The following AIG1 variants were observed in gnomAD, a reference collection of about 807,000 sequenced individuals.
AIG1 encodes androgen-induced gene 1 protein.
AIG1 carries 23 observed loss-of-function variants against 31.4 expected under a neutral mutation model. That is an observed-to-expected ratio of 0.73 (90% CI 0.53 to 1.04). The LOEUF is 1.04. Ranked by LOEUF, AIG1 falls within the 50% of genes least tolerant of loss-of-function variation. The pLI is 0.00. For synonymous variants in AIG1, 100 were observed against 110.5 expected, an observed-to-expected ratio of 0.90 and a Z score of 0.60; for missense variants, 274 against 295.0, an observed-to-expected ratio of 0.93 and a Z score of 0.52.
chr6:143,262,831 C>T (rs1025972742), intron 3 of AIG1, among the ~76,000 whole-genome samples: 1 of 152,176 alleles, frequency 6.6e-6, no homozygotes, highest in African/African-American at 2.4e-5. Flanking sequence ...ATGCATTTTA[C>T]ACTTTTCTGC....
chr6:143,322,817 C>T (rs1776322773), intron 4 of AIG1, among the ~76,000 whole-genome samples: 1 of 152,196 alleles, frequency 6.6e-6, no homozygotes, highest in Non-Finnish European at 1.5e-5. Context: ...GAGGCATTCA[C>T]AATTTGCCTC....
chr6:143,339,427 G>A, intron 5 of AIG1: 1 of 451,820 alleles, frequency 2.2e-6, no homozygotes, highest in South Asian at 2.6e-5. Context: ...TGTGGAAAGG[G>A]TGGGGAAGAG....
chr6:143,272,333 A>G (rs970870160), intron 3 of AIG1, among the ~76,000 whole-genome samples: 3 of 152,182 alleles, frequency 2.0e-5, no homozygotes, highest in African/African-American at 7.2e-5. Context: ...TCATTCACAC[A>G]AAGTATGTTG....
In AIG1 at chr6:143,329,443, G is replaced by A. The variant is rs117977954; in HGVS notation, c.516-3839G>A. On this transcript the variant is annotated intron_variant, in intron 4 of 5. Transcript: ENST00000357847. This position sits in a 1 kb window ranked among gnomAD's most constrained non-coding sequence, Gnocchi z 4.9. ...GAAGAGCTGTCTGCTTCTCTGCCTC[G>A]TAGGTTGCAAACCTGAGAATTTCAC... 2.6e-5 allele frequency among the ~76,000 whole-genome samples: 4 copies of A among 152,260 alleles called. No homozygotes were observed. Among genetic ancestry groups the A allele is most frequent in the Non-Finnish European group, 5.9e-5 (4 of 68,016 alleles).
At chr6:143,129,521 C>T (rs1295426455) in intron 1 of AIG1, among the ~76,000 whole-genome samples, 1 of 152,034 alleles carries the variant, frequency 6.6e-6, no homozygotes, top group East Asian at 1.9e-4. Flanking sequence ...GAAGATGAAT[C>T]AACTGTAGAA....
At chr6:143,311,140 T>G (rs1775239794) in intron 4 of AIG1, among the ~76,000 whole-genome samples, 1 of 151,774 alleles carries the variant, frequency 6.6e-6, no homozygotes, top group Non-Finnish European at 1.5e-5. Context: ...AGAAATACAT[T>G]ACAAGAAAGA....
At chr6:143,162,627 A>T (rs975658730) in intron 2 of AIG1, among the ~76,000 whole-genome samples, 49 of 152,140 alleles carry the variant, frequency 3.2e-4, no homozygotes, top group Non-Finnish European at 5.0e-4. Context: ...AGGTGAAGAG[A>T]TTTGCATCAG....
chr6:143,135,451 A>C (rs868448569), intron 1 of AIG1, among the ~76,000 whole-genome samples: 1 of 152,178 alleles, frequency 6.6e-6, no homozygotes, highest in Non-Finnish European at 1.5e-5. Flanking sequence ...TTATCAAAAC[A>C]TGACTCTTGC....
intron 1 of AIG1, among the ~76,000 whole-genome samples, chr6:143,072,268 T>G (rs1244104929): frequency 1.3e-5 from 2 of 152,232 alleles, no homozygotes; most frequent in East Asian, 3.8e-4. Flanking sequence ...TATTTTGACC[T>G]TATGTCCTGG....
At chr6:143,247,527 T>G (rs921355189) in intron 3 of AIG1, among the ~76,000 whole-genome samples, 2 of 152,232 alleles carry the variant, frequency 1.3e-5, no homozygotes, top group African/African-American at 4.8e-5. Context: ...TTAGACTGTC[T>G]GGTGGCTAAA....
At chr6:143,237,505 T>C (rs752196617) in intron 3 of AIG1, among the ~76,000 whole-genome samples, 12 of 152,130 alleles carry the variant, frequency 7.9e-5, no homozygotes, top group Non-Finnish European at 1.6e-4. Flanking sequence ...TATGATAAAC[T>C]CACGATTAAA....
At chr6:143,206,208 T>C (rs1185543527) in intron 3 of AIG1, among the ~76,000 whole-genome samples, 1 of 152,256 alleles carries the variant, frequency 6.6e-6, no homozygotes, top group African/African-American at 2.4e-5. Flanking sequence ...TCCATTGTAA[T>C]AGCTGGCAGG....
At chr6:143,172,747 G>A (rs1427810298) in intron 3 of AIG1, among the ~76,000 whole-genome samples, 1 of 152,028 alleles carries the variant, frequency 6.6e-6, no homozygotes, top group African/African-American at 2.4e-5. Context: ...CTCGCTTCTT[G>A]TTATTGGTCC....
At position 143,201,371 on chromosome 6, in the gene AIG1, CTTAAAAA is replaced by C. The variant is rs1562485069; in HGVS notation, c.399+36196_399+36202del. Among the ~76,000 whole-genome samples, 6 of 151,862 alleles carry C rather than the reference CTTAAAAA, an allele frequency of 4.0e-5. 1 individual carries two copies. The South Asian group carries it at 1.0e-3, about 26-fold the overall frequency. ...GAGACTGTTTCAAAAAAAAAAAAAT[CTTAAAAA>C]TTAAAAAGGTAAATCTTTCTGATGT... On this transcript the variant is annotated intron_variant, in intron 3 of 5. Coordinates refer to ENST00000357847, the MANE Select transcript of AIG1 (RefSeq NM_016108.4).
chr6:143,086,390 CT>C (rs1422263479), intron 1 of AIG1, among the ~76,000 whole-genome samples: 5 of 144,068 alleles, frequency 3.5e-5, no homozygotes, highest in African/African-American at 1.2e-4. Flanking sequence ...TCCCCACCCC[CT>C]GCCTCTCTTT....
chr6:143,150,884 T>C (rs1785164368), intron 2 of AIG1, among the ~76,000 whole-genome samples: 1 of 152,196 alleles, frequency 6.6e-6, no homozygotes, highest in Non-Finnish European at 1.5e-5. Flanking sequence ...ACTTTGTGTC[T>C]CTTAATTGAT....
intron 1 of AIG1, among the ~76,000 whole-genome samples, chr6:143,136,485 T>C (rs974543092): frequency 5.3e-5 from 8 of 152,314 alleles, no homozygotes; most frequent in Non-Finnish European, 1.0e-4. Context: ...GATTTAGACA[T>C]GACATAGAAG....
In AIG1 at chr6:143,260,485, A is replaced by G. The variant is rs571557927; in HGVS notation, c.400-23625A>G. ...TCATTCAGTTTTTCATTTATCCATG[A>G]TAATAGATTCCCTGTTGGGTCCACT... On this transcript the variant is annotated intron_variant, in intron 3 of 5. Transcript: ENST00000357847. 6.6e-5 allele frequency among the ~76,000 whole-genome samples: 10 copies of G among 152,332 alleles called. No individual in the cohort carries two copies. The East Asian group carries it at 1.9e-3, about 29-fold the overall frequency.
At chr6:143,283,056 T>C (rs1797451647) in intron 3 of AIG1, among the ~76,000 whole-genome samples, 1 of 152,166 alleles carries the variant, frequency 6.6e-6, no homozygotes, top group African/African-American at 2.4e-5. Flanking sequence ...CTTGAGAAAG[T>C]CTCCAGTATT....
Sources: gnomAD v4.1 joint callset for allele counts (sites outside exome capture counted in the v4.1 genomes callset) on GRCh38, gnomAD v4.1.1 for gene constraint, Gnocchi (gnomAD v3.1) non-coding constraint, MANE v1.5 for transcripts, NCBI Gene and HGNC (gene_info 2026-07-23, HGNC 2026-07-21) for gene names.